The following DPEP1 variants were observed in gnomAD, a reference collection of about 807,000 sequenced individuals.
DPEP1 encodes the protein dipeptidase 1.
DPEP1 carries 50 observed loss-of-function variants against 42.3 expected under a neutral mutation model. The observed-to-expected ratio is 1.18, with a 90% CI of 0.94 to 1.50. The LOEUF is 1.50. DPEP1 is among the 40% of genes most tolerant of loss of function. The pLI, the probability that DPEP1 is intolerant of heterozygous loss-of-function variation, is 0.00. For missense variants in DPEP1, 663 were observed against 553.0 expected, an observed-to-expected ratio of 1.20 and a Z score of -1.99; for synonymous variants, 297 against 234.0, an observed-to-expected ratio of 1.27 and a Z score of -2.46.
Position 89,626,208 on chromosome 16 carries a change from C to T in DPEP1, c.-106-4097C>T, listed in dbSNP as rs1194671822. On this transcript the variant is annotated intron_variant, in intron 1 of 10. Coordinates refer to ENST00000690203, the MANE Select transcript of DPEP1 (RefSeq NM_001389466.1). ...GATGCGGTTTGGTTCTGTGTCCCCACCCAAATCTCATCTCAGATTATAATC... is the reference window on the plus strand; with the variant it reads ...GATGCGGTTTGGTTCTGTGTCCCCATCCAAATCTCATCTCAGATTATAATC... Among the ~76,000 whole-genome samples, 10 of 152,212 alleles carry T rather than the reference C, an allele frequency of 6.6e-5. No homozygotes were observed. The East Asian group carries it at 7.7e-4, about 12-fold the overall frequency.
intron 2 of DPEP1, among the ~76,000 whole-genome samples, chr16:89,634,149 T>C (rs1270747284): frequency 1.4e-5 from 2 of 146,320 alleles, no homozygotes; most frequent in African/African-American, 5.0e-5. Flanking sequence ...AGTGCAGTGG[T>C]GCGATCTCGG....
downstream of DPEP1, among the ~76,000 whole-genome samples, chr16:89,639,321 C>T (rs143100823): frequency 3.2e-3 from 95 of 29,622 alleles, 2 homozygotes; most frequent in Middle Eastern, 0.022. Flanking sequence ...CACACACAAC[C>T]CATCCCTGCT....
chr16:89,615,352 G>A (rs2059370917), intron 1 of DPEP1, among the ~76,000 whole-genome samples: 1 of 152,156 alleles, frequency 6.6e-6, no homozygotes, highest in Admixed American at 6.5e-5. Flanking sequence ...GGGCAGGCGG[G>A]CCTGGCAGGG....
intron 1 of DPEP1, among the ~76,000 whole-genome samples, chr16:89,626,908 A>G (rs973670490): frequency 2.6e-5 from 4 of 151,102 alleles, no homozygotes; most frequent in African/African-American, 9.7e-5. Context: ...ACTTGGGGTC[A>G]GGAGTTTGAG....
rs752009921 is a variant in DPEP1, at chr16:89,638,054, C to T, written c.1068C>T (p.Ala356=). ...CACCCGTGTCTGTCTGTCCCCAGGC[C>T]AGCAACCTCACACAGGCTCCCGAGG... ...LLRVFEAVEQ[A]SNLTQAPEEE... is the part of the protein sequence containing the mutation. The change falls in exon 11 of 11, where the codon GCC becomes GCT. Residue 356 remains alanine (A), a splice_region_variant and synonymous_variant. Transcript: ENST00000690203. 2 of 1,612,136 alleles carry T rather than the reference C, an allele frequency of 1.2e-6. No homozygotes were observed. The highest frequency in any genetic ancestry group is 4.5e-5 in the East Asian group (2 of 44,852).
At chr16:89,635,370 A>G (rs2151500000) in intron 2 of DPEP1, among the ~76,000 whole-genome samples, 1 of 152,314 alleles carries the variant, frequency 6.6e-6, no homozygotes, top group Non-Finnish European at 1.5e-5. Context: ...GAGGCAGCAG[A>G]GAGGCCTGGG....
chr16:89,625,901 G>A lies in DPEP1; in HGVS notation c.-106-4404G>A, dbSNP rs1335275926. On this transcript the variant is annotated intron_variant, in intron 1 of 10. Transcript: ENST00000690203. Reference sequence around the variant, plus strand: ...CGCTGCCCTTGAACAGTGGTCGTGAGAGGGGAACCCACAGCCTACCAGGAC... The same window carrying A: ...CGCTGCCCTTGAACAGTGGTCGTGAAAGGGGAACCCACAGCCTACCAGGAC... Among the ~76,000 whole-genome samples the A allele has an allele frequency of 5.3e-5, 8 of 152,282 alleles. No individual in the cohort carries two copies. The South Asian group carries it at 1.0e-3, about 20-fold the overall frequency.
downstream of DPEP1, among the ~76,000 whole-genome samples, chr16:89,641,487 T>C (rs992668701): frequency 6.6e-6 from 1 of 152,202 alleles, no homozygotes; most frequent in Non-Finnish European, 1.5e-5. Context: ...TAGGTTATAA[T>C]TGTAGAGCAA....
At chr16:89,641,339 C>T (rs2059741391), downstream of DPEP1, among the ~76,000 whole-genome samples, 1 of 152,148 alleles carries the variant, frequency 6.6e-6, no homozygotes, top group African/African-American at 2.4e-5. Flanking sequence ...CGGGTGCCTT[C>T]CCCAGGCACT....
At chr16:89,625,230 G>T (rs984429063) in intron 1 of DPEP1, among the ~76,000 whole-genome samples, 1 of 151,954 alleles carries the variant, frequency 6.6e-6, no homozygotes, top group African/African-American at 2.4e-5. Flanking sequence ...CCCAGGCCTC[G>T]CTGTTTTTCC....
intron 1 of DPEP1, among the ~76,000 whole-genome samples, chr16:89,624,740 G>C (rs2059487129): frequency 6.6e-6 from 1 of 151,968 alleles, no homozygotes; most frequent in Non-Finnish European, 1.5e-5. Flanking sequence ...TTTCTTTGTT[G>C]GCCAGGCTGG....
chr16:89,623,798 G>A (rs1013879951), intron 1 of DPEP1, among the ~76,000 whole-genome samples: 1 of 152,150 alleles, frequency 6.6e-6, no homozygotes, highest in African/African-American at 2.4e-5. Context: ...CTGGCCAGAC[G>A]GAGCTCAGAA....
intron 1 of DPEP1, among the ~76,000 whole-genome samples, chr16:89,629,575 G>T (rs923530257): frequency 5.1e-5 from 7 of 137,372 alleles, no homozygotes; most frequent in Non-Finnish European, 1.1e-4. Context: ...TTTAGCCCCA[G>T]TGCTCAGCCC....
At chr16:89,626,083 C>T (rs904170639) in intron 1 of DPEP1, among the ~76,000 whole-genome samples, 5 of 152,178 alleles carry the variant, frequency 3.3e-5, no homozygotes, top group Admixed American at 1.3e-4. Flanking sequence ...CCCGTCCTCC[C>T]GCCACTGTGA....
At chr16:89,623,633 G>A (rs1023849743) in intron 1 of DPEP1, among the ~76,000 whole-genome samples, 5 of 152,098 alleles carry the variant, frequency 3.3e-5, no homozygotes, top group Non-Finnish European at 7.3e-5. Flanking sequence ...CTTGGAAACC[G>A]CCCTCCGGAG....
intron 8 of DPEP1, 23 bp from the exon 9 acceptor site, chr16:89,637,609 C>T: frequency 6.2e-7 from 1 of 1,612,838 alleles, no homozygotes; most frequent in Non-Finnish European, 8.5e-7. Context: ...ACTCGGGACC[C>T]ATACCTGCTG....
chr16:89,623,953 G>C (rs2059476220), intron 1 of DPEP1, among the ~76,000 whole-genome samples: 1 of 152,186 alleles, frequency 6.6e-6, no homozygotes, highest in African/African-American at 2.4e-5. Context: ...CTCCAGGCCT[G>C]GAGGGAACAG....
chr16:89,632,620 C>T (rs1188754138), intron 2 of DPEP1, among the ~76,000 whole-genome samples: 2 of 152,180 alleles, frequency 1.3e-5, no homozygotes, highest in African/African-American at 4.8e-5. Context: ...CATATCCCAG[C>T]TAAGGGCATT....
In DPEP1 at chr16:89,636,088, C is replaced by T. The variant is rs372319874; in HGVS notation, c.237+48C>T. On this transcript the variant is annotated intron_variant, in intron 3 of 10. Transcript: ENST00000690203. Reference sequence around the variant, plus strand: ...CTTGCCCTGTGTGGGGTCATCCCGTCTCCTACCTCAGGCCTGGCTACAGTG... The same window carrying T: ...CTTGCCCTGTGTGGGGTCATCCCGTTTCCTACCTCAGGCCTGGCTACAGTG... 41 of 1,574,232 alleles carry T rather than the reference C, an allele frequency of 2.6e-5. No homozygotes were observed. The African/African-American group carries it at 4.8e-4, about 19-fold the overall frequency.
Sources: gnomAD v4.1 joint callset for allele counts (sites outside exome capture counted in the v4.1 genomes callset) on GRCh38, gnomAD v4.1.1 for gene constraint, MANE v1.5 for transcripts, NCBI Gene and HGNC (gene_info 2026-07-23, HGNC 2026-07-21) for gene names.